Variants in TBX4 observed in about 807,000 individuals in gnomAD.
TBX4 encodes T-box transcription factor TBX4.
In TBX4, 13 loss-of-function variants were observed where a neutral mutation model predicts 54.6. The ratio of observed to expected loss-of-function variants is 0.24; its 90% CI spans 0.15 to 0.38. The LOEUF (loss-of-function observed/expected upper bound fraction) is 0.38, where lower values mean the gene tolerates loss of function less well. Ranked by LOEUF, TBX4 falls within the 10% of genes least tolerant of loss-of-function variation. TBX4 has a pLI of 1.00. For synonymous variants in TBX4, 314 were observed against 306.7 expected (o/e 1.02, Z -0.25); for missense variants, 631 against 728.5 (o/e 0.87, Z 1.54).
At chr17:61,456,400 C>G (rs2060449408) in intron 1 of TBX4, 88 bp from the exon 2 acceptor site, 1 of 1,516,272 alleles carries the variant, frequency 6.6e-7, no homozygotes, top group Non-Finnish European at 8.9e-7. Context: ...GCGCCCCGCA[C>G]GAAGTCCCGG....
rs532040430 is a variant in TBX4, at chr17:61,472,872, C to T, written c.549+5215C>T. On this transcript the variant is annotated intron_variant, in intron 5 of 8. Coordinates refer to ENST00000644296, the MANE Select transcript of TBX4 (RefSeq NM_001321120.2). This position sits in a 1 kb window ranked among gnomAD's most constrained non-coding sequence, Gnocchi z 4.5. ...CCCCTTTCCTCCCCTGGTTGAGGTG[C>T]CTTATTTCTGAACACTAAATCCCTA... 6.6e-6 allele frequency among the ~76,000 whole-genome samples: 1 copy of T among 151,694 alleles called. No individual in the cohort carries two copies. The highest frequency in any genetic ancestry group is 2.4e-5 in the African/African-American group (1 of 41,308).
chr17:61,469,142 G>A (rs1022341844), intron 5 of TBX4, among the ~76,000 whole-genome samples: 1 of 152,238 alleles, frequency 6.6e-6, no homozygotes, highest in African/African-American at 2.4e-5. Context: ...GCTGCCAGCT[G>A]CAGGGATGTC....
chr17:61,464,683 C>T lies in TBX4; in HGVS notation c.282-1136C>T, dbSNP rs1477308875. 2.6e-5 allele frequency among the ~76,000 whole-genome samples: 4 copies of T among 152,090 alleles called. No individual in the cohort carries two copies. Among genetic ancestry groups the T allele is most frequent in the African/African-American group, 9.7e-5 (4 of 41,396 alleles). On this transcript the variant is annotated intron_variant, in intron 3 of 8. Transcript: ENST00000644296. This position sits in a 1 kb window ranked among gnomAD's most constrained non-coding sequence, Gnocchi z 5.8. Reference sequence around the variant, plus strand: ...GTGGGGGATGGAGTCTGAGGAGGATCGTGGGAAGTTCCGTTCTTCCCTCTG... The same window carrying T: ...GTGGGGGATGGAGTCTGAGGAGGATTGTGGGAAGTTCCGTTCTTCCCTCTG...
At chr17:61,458,960 A>G (rs1191176954) in intron 3 of TBX4, among the ~76,000 whole-genome samples, 3 of 152,212 alleles carry the variant, frequency 2.0e-5, no homozygotes, top group African/African-American at 4.8e-5. Flanking sequence ...CAGGCCTTAT[A>G]AAGTTTCCTT....
rs2060617928 is a variant in TBX4 at position 61,476,020 on chromosome 17, T to C, written c.550-2607T>C. 6.6e-6 allele frequency among the ~76,000 whole-genome samples: 1 copy of C among 152,018 alleles called. No individual in the cohort carries two copies. The highest frequency in any genetic ancestry group is 2.4e-5 in the African/African-American group (1 of 41,374). On this transcript the variant is annotated intron_variant, in intron 5 of 8. Transcript: ENST00000644296. The surrounding 1 kb of genome is among the most constrained non-coding windows in gnomAD (Gnocchi z 6.5). ...ACTTGCCCACGTTCCCACGGAGGGT[T>C]TGTGGTCGTGGCCCAGATCTTCCCA...
At chr17:61,453,710 A>G (rs1050861306) in intron 1 of TBX4, among the ~76,000 whole-genome samples, 3 of 152,230 alleles carry the variant, frequency 2.0e-5, no homozygotes, top group Non-Finnish European at 4.4e-5. Context: ...GATCTGTAAC[A>G]TTACAAATAA....
chr17:61,468,206 T>G (rs1026423730), intron 5 of TBX4, among the ~76,000 whole-genome samples: 1 of 152,224 alleles, frequency 6.6e-6, no homozygotes, highest in African/African-American at 2.4e-5. Context: ...CTGGCTCACA[T>G]GTTAGCTCCT....
chr17:61,457,681 G>C lies in TBX4; in HGVS notation c.281+50G>C. 1 of 1,572,534 alleles carries C rather than the reference G, an allele frequency of 6.4e-7. No homozygotes were observed. Among genetic ancestry groups the C allele is most frequent in the Non-Finnish European group, 8.7e-7 (1 of 1,144,604 alleles). ...GGGGATGGCGGTGGGGAGCAAGGGG[G>C]GCCAGGGAGGTCCCTTAGAAGTCCT... On this transcript the variant is annotated intron_variant, in intron 3 of 8. Coordinates refer to ENST00000644296, the MANE Select transcript of TBX4 (RefSeq NM_001321120.2). This position sits in a 1 kb window ranked among gnomAD's most constrained non-coding sequence, Gnocchi z 8.2.
In TBX4 at chr17:61,480,397, C is replaced by A. The variant is rs370934029; in HGVS notation, c.1021+78C>A. 2.7e-4 allele frequency: 287 copies of A among 1,075,968 alleles called. 3 individuals are homozygous for A. In the African/African-American group the frequency reaches 3.4e-3, roughly 13 times the overall value. 66.7% of individuals were successfully genotyped at this position (1,075,968 alleles called of 1,614,324 possible). A position where few individuals can be genotyped will look rare whatever the true frequency, so the allele number is the denominator to read the frequency against. ...CTCCCCGAAACCACTCTGCAGCGCC[C>A]CCCCCCCCAACACACACACACTCAT... is the stretch of plus-strand genomic sequence containing the variant. On this transcript the variant is annotated intron_variant, in intron 8 of 8. Coordinates refer to ENST00000644296, the MANE Select transcript of TBX4 (RefSeq NM_001321120.2). The surrounding 1 kb of genome is among the most constrained non-coding windows in gnomAD (Gnocchi z 6.2).
chr17:61,456,126 C>T (rs184034975), intron 1 of TBX4, among the ~76,000 whole-genome samples: 9 of 152,270 alleles, frequency 5.9e-5, no homozygotes, highest in African/African-American at 2.2e-4. Flanking sequence ...GGGGAACAGC[C>T]GAGAAGGCCC....
intron 8 of TBX4, among the ~76,000 whole-genome samples, chr17:61,482,526 C>G (rs1212249745): frequency 7.2e-5 from 11 of 152,028 alleles, no homozygotes; most frequent in Non-Finnish European, 1.5e-5. Flanking sequence ...GCTGGCCTGG[C>G]AAGTGCCTCT....
intron 1 of TBX4, among the ~76,000 whole-genome samples, chr17:61,454,114 TC>T (rs2060431092): frequency 6.6e-6 from 1 of 152,188 alleles, no homozygotes; most frequent in Non-Finnish European, 1.5e-5. Flanking sequence ...AGCTAACGAA[TC>T]AAAGCAGGGC....
Position 61,462,730 on chromosome 17 carries a change from AG to A in TBX4, c.282-3086del, listed in dbSNP as rs1187670857. 1 of 152,104 alleles carries A rather than the reference AG, an allele frequency of 6.6e-6. No individual in the cohort carries two copies. Among genetic ancestry groups the A allele is most frequent in the Non-Finnish European group, 1.5e-5 (1 of 68,080 alleles). The allele number at this position is 152,104 out of a possible 1,614,324, so 9.4% of individuals were successfully genotyped here. ...ACCTCCCCCACCCCAACACACAAAC[AG>A]GGAGGCGTTGCTTTCCACCGTAGGG... is the stretch of plus-strand genomic sequence containing the variant. On this transcript the variant is annotated intron_variant, in intron 3 of 8. Coordinates refer to ENST00000644296, the MANE Select transcript of TBX4 (RefSeq NM_001321120.2). The surrounding 1 kb of genome is among the most constrained non-coding windows in gnomAD (Gnocchi z 4.5).
chr17:61,484,945 A>ATAT lies in TBX4; in HGVS notation c.*1429_*1430insTAT, dbSNP rs2060693108. ...ATGGTTTAGATAAAACATATAAATA[A>ATAT]ATATATATATATATATATATATATA... On this transcript the variant is annotated 3_prime_UTR_variant, in exon 9 of 9. Transcript: ENST00000644296. This position sits in a 1 kb window ranked among gnomAD's most constrained non-coding sequence, Gnocchi z 4.1. The ATAT allele has an allele frequency of 2.1e-5, 3 of 140,616 alleles. No individual in the cohort carries two copies. The highest frequency in any genetic ancestry group is 7.1e-5 in the Admixed American group (1 of 14,066). 8.7% of individuals were successfully genotyped at this position (140,616 alleles called of 1,614,324 possible). A position where few individuals can be genotyped will look rare whatever the true frequency, so the allele number is the denominator to read the frequency against.
intron 5 of TBX4, among the ~76,000 whole-genome samples, chr17:61,471,120 G>C (rs1338724486): frequency 1.3e-5 from 2 of 152,208 alleles, no homozygotes; most frequent in African/African-American, 2.4e-5. Context: ...AAAGTAGCAC[G>C]CATTAGTCCC....
rs1393389698 is a variant in TBX4, at chr17:61,464,789, A to G, written c.282-1030A>G. Among the ~76,000 whole-genome samples, 2 of 152,096 alleles carry G rather than the reference A, an allele frequency of 1.3e-5. No homozygotes were observed. The highest frequency in any genetic ancestry group is 1.3e-4 in the Admixed American group (2 of 15,278). On this transcript the variant is annotated intron_variant, in intron 3 of 8. Coordinates refer to ENST00000644296, the MANE Select transcript of TBX4 (RefSeq NM_001321120.2). The surrounding 1 kb of genome is among the most constrained non-coding windows in gnomAD (Gnocchi z 5.8). ...ATGCGCTGTGCTGTTGTGTGTGCGTATGTGCTGAGGGGTGTGCGGAAGCCC... is the reference window on the plus strand; with the variant it reads ...ATGCGCTGTGCTGTTGTGTGTGCGTGTGTGCTGAGGGGTGTGCGGAAGCCC...
In TBX4 at chr17:61,480,404, C is replaced by A. The variant is rs543641569; in HGVS notation, c.1021+85C>A. 54 of 1,018,282 alleles carry A rather than the reference C, an allele frequency of 5.3e-5. No individual in the cohort carries two copies. The highest frequency in any genetic ancestry group is 2.8e-4 in the Middle Eastern group (1 of 3,538). 63.1% of individuals were successfully genotyped at this position (1,018,282 alleles called of 1,614,324 possible). A position where few individuals can be genotyped will look rare whatever the true frequency, so the allele number is the denominator to read the frequency against. On this transcript the variant is annotated intron_variant, in intron 8 of 8. Coordinates refer to ENST00000644296, the MANE Select transcript of TBX4 (RefSeq NM_001321120.2). This position sits in a 1 kb window ranked among gnomAD's most constrained non-coding sequence, Gnocchi z 6.2. ...AAACCACTCTGCAGCGCCCCCCCCCCCAACACACACACACTCATCTCGTGC... is the reference window on the plus strand; with the variant it reads ...AAACCACTCTGCAGCGCCCCCCCCCACAACACACACACACTCATCTCGTGC...
At position 61,483,396 on chromosome 17, in the gene TBX4, C is replaced by G. The variant is rs772474213; in HGVS notation, c.1521C>G (p.Pro507=). ...CCCAAGGGTGTGAGAGGAAGCCACCCTCGCCACATCTAAATGCTGCCAATG... is the reference window on the plus strand; with the variant it reads ...CCCAAGGGTGTGAGAGGAAGCCACCGTCGCCACATCTAAATGCTGCCAATG... ...GLPQGCERKP[P]SPHLNAANEF... Residue 507 remains proline, a synonymous_variant, in exon 9 of 9, where the codon CCC becomes CCG. Coordinates refer to ENST00000644296, the MANE Select transcript of TBX4 (RefSeq NM_001321120.2). This position sits in a 1 kb window ranked among gnomAD's most constrained non-coding sequence, Gnocchi z 6.6. 1.4e-5 allele frequency: 23 copies of G among 1,611,904 alleles called. No homozygotes were observed. The highest frequency in any genetic ancestry group is 2.0e-5 in the Non-Finnish European group (23 of 1,178,368).
chr17:61,470,685 G>A (rs1246982683), intron 5 of TBX4, among the ~76,000 whole-genome samples: 1 of 152,224 alleles, frequency 6.6e-6, no homozygotes, highest in Admixed American at 6.5e-5. Context: ...AAAGGACCAA[G>A]GGGCTGGGGC....
Sources: allele counts gnomAD v4.1 joint callset (sites outside exome capture counted in the v4.1 genomes callset), GRCh38; gene constraint gnomAD v4.1.1; non-coding constraint Gnocchi (gnomAD v3.1); transcripts MANE v1.5; gene names NCBI Gene and HGNC (gene_info 2026-07-23, HGNC 2026-07-21).